The following RYR2 variants were observed in gnomAD, a reference collection of about 807,000 sequenced individuals.
The protein encoded by RYR2 is cardiac muscle ryanodine receptor-calcium release channel.
RYR2 carries 227 observed loss-of-function variants against 601.1 expected under a neutral mutation model. That is an observed-to-expected ratio of 0.38 (90% CI 0.34 to 0.42). The LOEUF is 0.42. Ranked by LOEUF, RYR2 falls within the 10% of genes least tolerant of loss-of-function variation. The pLI, the probability that RYR2 is intolerant of heterozygous loss-of-function variation, is 1.00. For missense variants in RYR2, 4,646 were observed against 6,156.5 expected, an observed-to-expected ratio of 0.75 and a Z score of 8.21; for synonymous variants, 2,223 against 2,175.1, an observed-to-expected ratio of 1.02 and a Z score of -0.61.
At position 237,722,999 on chromosome 1, in the gene RYR2, G is replaced by A. The variant is rs576180202; in HGVS notation, c.10555-129G>A. 4.5e-4 allele frequency: 320 copies of A among 710,740 alleles called. 4 individuals are homozygous for A. The East Asian group carries it at 7.4e-3, about 16-fold the overall frequency. The allele number at this position is 710,740 out of a possible 1,614,324, so 44.0% of individuals were successfully genotyped here. ...TCATCCTACATAACTGCAGCTGCGCGTCATGTCTTAACTGGTAAACACTGT... is the reference window on the plus strand; with the variant it reads ...TCATCCTACATAACTGCAGCTGCGCATCATGTCTTAACTGGTAAACACTGT... On this transcript the variant is annotated intron_variant, in intron 73 of 104. Coordinates refer to ENST00000366574, the MANE Select transcript of RYR2 (RefSeq NM_001035.3).
chr1:237,113,947 G>A (rs573377702), intron 1 of RYR2, among the ~76,000 whole-genome samples: 2 of 152,322 alleles, frequency 1.3e-5, no homozygotes, highest in East Asian at 3.9e-4. Flanking sequence ...AGAACAGGTG[G>A]TCTTGACATG....
chr1:237,764,007 A>G (rs554483010), intron 84 of RYR2, among the ~76,000 whole-genome samples: 1 of 152,366 alleles, frequency 6.6e-6, no homozygotes, highest in East Asian at 1.9e-4. Flanking sequence ...CTCAGAGAGC[A>G]TGGGCTTAGC....
chr1:237,602,232 A>C, intron 35 of RYR2, 121 bp downstream of exon 35: 1 of 666,004 alleles, frequency 1.5e-6, no homozygotes, highest in Non-Finnish European at 2.4e-6. Flanking sequence ...CATTCTTTCA[A>C]GAAAAGATAG....
chr1:237,429,319 A>G (rs776722215), intron 12 of RYR2, among the ~76,000 whole-genome samples: 28 of 152,138 alleles, frequency 1.8e-4, no homozygotes, highest in Non-Finnish European at 3.4e-4. Flanking sequence ...GGCTAGGAAC[A>G]CAGAAGAATC....
chr1:237,166,346 A>G (rs1163030516), intron 1 of RYR2, among the ~76,000 whole-genome samples: 3 of 152,262 alleles, frequency 2.0e-5, no homozygotes, highest in Admixed American at 2.0e-4. Context: ...TGTTGGGAGC[A>G]GAAAATGAGC....
At chr1:237,503,535 T>C (rs1664884468) in intron 22 of RYR2, 30 bp downstream of exon 22, 7 of 1,602,178 alleles carry the variant, frequency 4.4e-6, no homozygotes, top group East Asian at 2.2e-5. Flanking sequence ...TGGCAATCAC[T>C]GGTATTGCAG....
chr1:237,817,433 G>A (rs550628697), intron 100 of RYR2, among the ~76,000 whole-genome samples: 4 of 152,244 alleles, frequency 2.6e-5, no homozygotes, highest in Admixed American at 1.3e-4. Flanking sequence ...ATGATTTGAG[G>A]ACTTACCATG....
At chr1:237,208,948 A>ACG (rs759467542) in intron 1 of RYR2, among the ~76,000 whole-genome samples, 82 of 94,200 alleles carry the variant, frequency 8.7e-4, no homozygotes, top group African/African-American at 3.8e-3. Flanking sequence ...ATATATATAT[A>ACG]TATATATATA....
Position 237,610,741 on chromosome 1 carries a change from T to C in RYR2, c.4684-21T>C, listed in dbSNP as rs753824281. On this transcript the variant is annotated intron_variant, in intron 35 of 104. Transcript: ENST00000366574. This position sits in a 1 kb window ranked among gnomAD's most constrained non-coding sequence, Gnocchi z 4.9. The stretch of plus-strand genomic sequence containing the variant: ...AAGGGATGTTCTACATTTATTCTTT[T>C]TCTGCCTCCCCATCCGCTAGAATGT... The C allele has an allele frequency of 6.4e-7, 1 of 1,561,656 alleles. No individual in the cohort carries two copies. Among genetic ancestry groups the C allele is most frequent in the African/African-American group, 1.4e-5 (1 of 73,908 alleles).
At chr1:237,535,876 A>AT (rs1302686119) in intron 25 of RYR2, among the ~76,000 whole-genome samples, 4 of 152,276 alleles carry the variant, frequency 2.6e-5, no homozygotes, top group Non-Finnish European at 4.4e-5. Flanking sequence ...AATTCATAAG[A>AT]TTTTTTTATT....
At chr1:237,404,438 A>C (rs1163027258) in intron 10 of RYR2, among the ~76,000 whole-genome samples, 2 of 152,214 alleles carry the variant, frequency 1.3e-5, no homozygotes, top group Admixed American at 1.3e-4. Context: ...AAACATAGTA[A>C]AAGAATGTAA....
intron 42 of RYR2, among the ~76,000 whole-genome samples, chr1:237,632,687 C>T (rs1280566342): frequency 2.0e-5 from 3 of 152,090 alleles, no homozygotes; most frequent in African/African-American, 7.2e-5. Flanking sequence ...TGAGCCACCA[C>T]ACTGGGCCTA....
rs147194898 is a variant in RYR2, at chr1:237,275,594, T to C, written c.168+4978T>C. Among the ~76,000 whole-genome samples, 564 of 151,756 alleles carry C rather than the reference T, an allele frequency of 3.7e-3. 5 individuals carry two copies. Among genetic ancestry groups the C allele is most frequent in the African/African-American group, 0.013 (534 of 41,396 alleles). ...TTTTACAAAGTAGAAACCTCAGAAG[T>C]TGCAAAGAGAAACGTAGAAACATAC... On this transcript the variant is annotated intron_variant, in intron 2 of 104. Coordinates refer to ENST00000366574, the MANE Select transcript of RYR2 (RefSeq NM_001035.3).
rs563255439 is a variant in RYR2, at chr1:237,527,800, C to G, written c.2823-2627C>G. ...TCTCCTATCAGACTGTAAACGCTGT[C>G]AAGAGAAACATGTGCAGTAGTACTC... On this transcript the variant is annotated intron_variant, in intron 24 of 104. Transcript: ENST00000366574. Among the ~76,000 whole-genome samples, 5 of 152,152 alleles carry G rather than the reference C, an allele frequency of 3.3e-5. No individual in the cohort carries two copies. The South Asian group carries it at 1.0e-3, about 32-fold the overall frequency.
At chr1:237,458,433 C>T (rs555864543) in intron 16 of RYR2, among the ~76,000 whole-genome samples, 3 of 152,116 alleles carry the variant, frequency 2.0e-5, no homozygotes, top group African/African-American at 7.2e-5. Context: ...CATCTCAAAA[C>T]AAAAACAAAA....
At chr1:237,184,731 T>A (rs2148968421) in intron 1 of RYR2, among the ~76,000 whole-genome samples, 1 of 152,330 alleles carries the variant, frequency 6.6e-6, no homozygotes, top group East Asian at 1.9e-4. Flanking sequence ...TATCAGATGA[T>A]AATGCTTATA....
At chr1:237,602,276 T>C (rs1368267906) in intron 35 of RYR2, among the ~76,000 whole-genome samples, 165 bp downstream of exon 35, 1 of 152,102 alleles carries the variant, frequency 6.6e-6, no homozygotes, top group Admixed American at 6.5e-5. Context: ...GTCACAAGGG[T>C]AACAAAATAA....
At chr1:237,565,833 C>T (rs1456260678) in intron 27 of RYR2, among the ~76,000 whole-genome samples, 1 of 152,096 alleles carries the variant, frequency 6.6e-6, no homozygotes, top group African/African-American at 2.4e-5. Context: ...CTGAGACTTC[C>T]CCCTCTCGTC....
chr1:237,402,805 A>AGGAGGCTGAAGCAGGGGGATGGTTT (rs202055902), intron 10 of RYR2, among the ~76,000 whole-genome samples: 1 of 152,214 alleles, frequency 6.6e-6, no homozygotes, highest in Non-Finnish European at 1.5e-5. Context: ...CCTGAGACTC[A>AGGAGGCTGAAGCAGGGGGATGGTTT]GAGTCTTACT....
Sources: gnomAD v4.1 joint callset for allele counts (sites outside exome capture counted in the v4.1 genomes callset) on GRCh38, gnomAD v4.1.1 for gene constraint, Gnocchi (gnomAD v3.1) non-coding constraint, MANE v1.5 for transcripts, NCBI Gene and HGNC (gene_info 2026-07-23, HGNC 2026-07-21) for gene names.